AOPEP: variants seen among roughly 807,000 people sequenced by gnomAD.
AOPEP encodes the protein aminopeptidase O (putative), also known as aminopeptidase O.
In AOPEP, 77 loss-of-function variants were observed where a neutral mutation model predicts 98.1. That is an observed-to-expected ratio of 0.78 (90% confidence interval 0.65 to 0.95). AOPEP has a LOEUF of 0.95. AOPEP is among the 40% of genes least tolerant of loss of function. The pLI is 0.00. For synonymous variants in AOPEP, 346 were observed against 365.3 expected (o/e 0.95, Z 0.60); for missense variants, 1,024 against 1,024.7 (o/e 1.00, Z 0.01).
chr9:94,791,672 G>A (rs543323976), intron 3 of AOPEP, among the ~76,000 whole-genome samples: 1 of 152,138 alleles, frequency 6.6e-6, no homozygotes, highest in African/African-American at 2.4e-5. Context: ...GCAACAGAGC[G>A]CGACCCTGTC....
At chr9:94,960,844 C>A (rs540681361) in intron 9 of AOPEP, among the ~76,000 whole-genome samples, 2 of 151,958 alleles carry the variant, frequency 1.3e-5, no homozygotes, top group Non-Finnish European at 1.5e-5. Flanking sequence ...AACCCCGTCT[C>A]TACTAAAAAT....
chr9:94,927,878 A>G (rs1364206758), intron 6 of AOPEP, among the ~76,000 whole-genome samples: 1 of 152,172 alleles, frequency 6.6e-6, no homozygotes, highest in Admixed American at 6.5e-5. Context: ...ACACCATGGG[A>G]CGGCAGCTGG....
the AOPEP span, among the ~76,000 whole-genome samples, chr9:95,122,808 C>T: frequency 6.6e-6 from 1 of 152,176 alleles, no homozygotes; most frequent in Admixed American, 6.5e-5. Context: ...CCCAGAGGCC[C>T]GTTCCTAATG....
At chr9:95,062,808 C>T (rs2067443511) in intron 14 of AOPEP, among the ~76,000 whole-genome samples, 1 of 152,158 alleles carries the variant, frequency 6.6e-6, no homozygotes, top group South Asian at 2.1e-4. Flanking sequence ...TTATGCACAC[C>T]CTGCCTGCCC....
chr9:94,992,793 G>A (rs542865469), intron 11 of AOPEP, among the ~76,000 whole-genome samples: 4 of 152,344 alleles, frequency 2.6e-5, no homozygotes, highest in Admixed American at 2.0e-4. Context: ...GTACCTGGTC[G>A]CATCTGAGAG....
At chr9:94,933,016 C>G (rs1195774076) in intron 7 of AOPEP, 4 of 985,436 alleles carry the variant, frequency 4.1e-6, no homozygotes, top group Non-Finnish European at 4.8e-6. Context: ...TTGAAGATGT[C>G]TTTCCCACAG....
intron 5 of AOPEP, among the ~76,000 whole-genome samples, chr9:94,842,437 T>C (rs1300954947): frequency 6.6e-6 from 1 of 152,208 alleles, no homozygotes; most frequent in Non-Finnish European, 1.5e-5. Context: ...TCTGTTCTGC[T>C]GTTATTGGAT....
chr9:94,867,054 A>C (rs2045786357), intron 5 of AOPEP, among the ~76,000 whole-genome samples: 1 of 152,236 alleles, frequency 6.6e-6, no homozygotes, highest in Middle Eastern at 3.2e-3. Context: ...AGATGAGCTA[A>C]TGACACATTA....
At chr9:95,081,365 T>C (rs1280462610) in intron 15 of AOPEP, among the ~76,000 whole-genome samples, 1 of 152,230 alleles carries the variant, frequency 6.6e-6, no homozygotes, top group Non-Finnish European at 1.5e-5. Context: ...AGGTGTGTCC[T>C]GTAACACGTC....
At chr9:95,011,499 G>C (rs1402940733) in intron 13 of AOPEP, among the ~76,000 whole-genome samples, 1 of 152,094 alleles carries the variant, frequency 6.6e-6, no homozygotes, top group East Asian at 1.9e-4. Flanking sequence ...ACCGCGCACA[G>C]CTGATGTATT....
chr9:94,965,721 T>G (rs2059146963), intron 9 of AOPEP, among the ~76,000 whole-genome samples: 1 of 152,216 alleles, frequency 6.6e-6, no homozygotes. Context: ...CTGTGTGAAG[T>G]CTGTGTCTGC....
chr9:94,859,441 AGGGCCCATGCAG>A (rs1451933583), intron 5 of AOPEP, among the ~76,000 whole-genome samples: 2 of 152,196 alleles, frequency 1.3e-5, no homozygotes, highest in Admixed American at 6.5e-5. Context: ...GATTGCATTT[AGGGCCCATGCAG>A]ATAATCTAGG....
intron 11 of AOPEP, among the ~76,000 whole-genome samples, chr9:94,983,245 G>A (rs1479651162): frequency 2.0e-5 from 3 of 151,964 alleles, no homozygotes; most frequent in Admixed American, 6.6e-5. Flanking sequence ...GGCTGGTCTC[G>A]AACTCCTGAC....
intron 13 of AOPEP, among the ~76,000 whole-genome samples, chr9:95,010,614 A>G (rs985999413): frequency 7.9e-5 from 12 of 152,204 alleles, no homozygotes; most frequent in South Asian, 2.1e-4. Context: ...ACTAGTCTAC[A>G]TTTATATAGC....
chr9:95,100,510 T>C, the AOPEP span: 8 of 232,208 alleles, frequency 3.4e-5, no homozygotes, highest in Admixed American at 5.6e-5. Flanking sequence ...AAGCAAGTCT[T>C]GACTCACTTG....
At chr9:94,789,631 A>G (rs1845206706) in intron 3 of AOPEP, among the ~76,000 whole-genome samples, 1 of 152,182 alleles carries the variant, frequency 6.6e-6, no homozygotes, top group Non-Finnish European at 1.5e-5. Context: ...CAGGTAATGT[A>G]GGTAGTTACG....
At chr9:95,121,213 G>A in the AOPEP span, among the ~76,000 whole-genome samples, 1 of 152,222 alleles carries the variant, frequency 6.6e-6, no homozygotes, top group African/African-American at 2.4e-5. Flanking sequence ...CTGACTGGCT[G>A]TACTGAGCCA....
intron 2 of AOPEP, among the ~76,000 whole-genome samples, chr9:94,769,554 T>G (rs1033150354): frequency 6.6e-6 from 1 of 152,172 alleles, no homozygotes; most frequent in Admixed American, 6.5e-5. Context: ...TGTGATTGAG[T>G]CTCCTATCAG....
rs1015285950 is a variant in AOPEP, at chr9:94,842,310, C to T, written c.1364+41308C>T. On this transcript the variant is annotated intron_variant, in intron 5 of 16. Transcript: ENST00000375315. The stretch of plus-strand genomic sequence containing the variant: ...CTGGGAGGCAGAGTTTGCAGTGAGC[C>T]GAGATTGTGCCACTTACTCCAGCTT... Among the ~76,000 whole-genome samples the T allele has an allele frequency of 4.6e-5, 7 of 151,602 alleles. No homozygotes were observed. In the East Asian group the frequency reaches 5.8e-4, roughly 13 times the overall value.
Sources: gnomAD v4.1 joint callset for allele counts (sites outside exome capture counted in the v4.1 genomes callset) on GRCh38, gnomAD v4.1.1 for gene constraint, MANE v1.5 for transcripts, NCBI Gene and HGNC (gene_info 2026-07-23, HGNC 2026-07-21) for gene names.